The following CTTNBP2 variants were observed in gnomAD, a reference collection of about 807,000 sequenced individuals.
CTTNBP2 encodes the protein cortactin binding protein 2.
In CTTNBP2, 108 loss-of-function variants were observed where a neutral mutation model predicts 156.9. That is an observed-to-expected ratio of 0.69 (90% CI 0.59 to 0.81). The LOEUF is 0.81. Ranked by LOEUF, CTTNBP2 falls within the 30% of genes least tolerant of loss-of-function variation. CTTNBP2 has a pLI of 0.00. For synonymous variants in CTTNBP2, 767 were observed against 751.8 expected (o/e 1.02, Z -0.33); for missense variants, 1,924 against 2,035.4 (o/e 0.95, Z 1.05).
chr7:117,718,251 C>T (rs1367237073), intron 21 of CTTNBP2, 132 bp from the exon 22 acceptor site: 9 of 529,562 alleles, frequency 1.7e-5, no homozygotes, highest in Non-Finnish European at 3.0e-5. Context: ...AAGTCCTGAA[C>T]TGTTCACATG....
At position 117,728,205 on chromosome 7, in the gene CTTNBP2, G is replaced by A. The variant is rs771833037; in HGVS notation, c.3939C>T (p.Ser1313=). 2.5e-5 allele frequency: 40 copies of A among 1,614,042 alleles called. No individual in the cohort carries two copies. Among genetic ancestry groups the A allele is most frequent in the Non-Finnish European group, 3.2e-5 (38 of 1,179,992 alleles). The change falls in exon 17 of 23, where the codon TCC becomes TCT. Residue 1313 remains serine, a synonymous_variant. Transcript: ENST00000160373. ...GGCAGGAGTTAAGCTGACGCCAGAC[G>A]GACAGAGCCCAGTCGACAATCTTGC... is the stretch of plus-strand genomic sequence containing the variant. ...PVCKIVDWAL[S]VWRQLNSCLA...
rs779491761 is a variant in CTTNBP2 at position 117,777,518 on chromosome 7, C to T, written c.2771G>A (p.Gly924Asp). Reference protein sequence around the residue: ...WTAAHIAASKGFKNCLEILCR... With the variant: ...WTAAHIAASKDFKNCLEILCR... The stretch of plus-strand genomic sequence containing the variant: ...AGCTGCTACCAGACACACCTTAAAA[C>T]CTTTGGAAGCAGCAATGTGGGCAGC... The change falls in exon 8 of 23, where the codon GGT (glycine) becomes GAT (aspartate). Residue 924 changes from glycine (G) to aspartate (D), a missense_variant. Coordinates refer to ENST00000160373, the MANE Select transcript of CTTNBP2 (RefSeq NM_033427.3). 2 of 1,612,786 alleles carry T rather than the reference C, an allele frequency of 1.2e-6. No individual in the cohort carries two copies. The highest frequency in any genetic ancestry group is 4.5e-5 in the East Asian group (2 of 44,870).
intron 1 of CTTNBP2, among the ~76,000 whole-genome samples, chr7:117,862,317 TG>T (rs1247738451): frequency 6.8e-5 from 4 of 58,814 alleles, no homozygotes; most frequent in Non-Finnish European, 1.0e-4. Flanking sequence ...TGGGGTGGGG[TG>T]GGGGGGCGGT....
intron 14 of CTTNBP2, among the ~76,000 whole-genome samples, chr7:117,736,830 T>C (rs1795733195): frequency 6.6e-6 from 1 of 152,210 alleles, no homozygotes; most frequent in Non-Finnish European, 1.5e-5. Flanking sequence ...TTGAAGATTC[T>C]AAGATGCCAC....
chr7:117,850,646 TATATTATAA>T (rs1440515867), intron 2 of CTTNBP2, among the ~76,000 whole-genome samples: 2 of 152,096 alleles, frequency 1.3e-5, no homozygotes, highest in Non-Finnish European at 2.9e-5. Context: ...TTTTATTAGA[TATATTATAA>T]ATATTAATAT....
intron 2 of CTTNBP2, among the ~76,000 whole-genome samples, chr7:117,856,805 A>C (rs1803354543): frequency 6.6e-6 from 1 of 152,202 alleles, no homozygotes; most frequent in South Asian, 2.1e-4. Context: ...GGGCACTGTA[A>C]AATGTAGGCT....
chr7:117,835,874 A>G (rs1331407114), intron 2 of CTTNBP2, among the ~76,000 whole-genome samples: 1 of 151,990 alleles, frequency 6.6e-6, no homozygotes, highest in Non-Finnish European at 1.5e-5. Flanking sequence ...GTTGCTAACC[A>G]CTCTAAGCCT....
At position 117,765,457 on chromosome 7, in the gene CTTNBP2, A is replaced by G. The variant is rs1797436418; in HGVS notation, c.2896+1602T>C. On this transcript the variant is annotated intron_variant, in intron 9 of 22. Transcript: ENST00000160373. Reference sequence around the variant, plus strand: ...AGCAGACTGAGGTGAGAGAAGGCTAAGCACCTTGTCTAACATTACACAGAC... The same window carrying G: ...AGCAGACTGAGGTGAGAGAAGGCTAGGCACCTTGTCTAACATTACACAGAC... 1.3e-5 allele frequency among the ~76,000 whole-genome samples: 2 copies of G among 152,182 alleles called. 1 individual carries two copies. The highest frequency in any genetic ancestry group is 4.1e-4 in the South Asian group (2 of 4,834).
chr7:117,720,642 G>A (rs960332470), intron 20 of CTTNBP2, among the ~76,000 whole-genome samples: 19 of 152,028 alleles, frequency 1.2e-4, no homozygotes, highest in Non-Finnish European at 2.4e-4. Flanking sequence ...GCAGTGAACC[G>A]AGATCATGCC....
intron 2 of CTTNBP2, among the ~76,000 whole-genome samples, chr7:117,849,632 C>T (rs1044045115): frequency 6.6e-6 from 1 of 152,112 alleles, no homozygotes; most frequent in African/African-American, 2.4e-5. Flanking sequence ...CTCACTCTGC[C>T]CAGAGCACAC....
intron 14 of CTTNBP2, among the ~76,000 whole-genome samples, chr7:117,742,323 T>C (rs1354301379): frequency 6.6e-6 from 1 of 152,192 alleles, no homozygotes; most frequent in African/African-American, 2.4e-5. Flanking sequence ...AGCAAAGACA[T>C]GCAGAGTGGA....
At chr7:117,787,780 G>A (rs1356244462) in intron 4 of CTTNBP2, among the ~76,000 whole-genome samples, 6 of 152,118 alleles carry the variant, frequency 3.9e-5, no homozygotes, top group Non-Finnish European at 8.8e-5. Context: ...TTCATTAAAA[G>A]GCTAACTTCT....
intron 2 of CTTNBP2, among the ~76,000 whole-genome samples, chr7:117,813,228 G>A (rs1584474626): frequency 6.6e-6 from 1 of 152,138 alleles, no homozygotes; most frequent in Non-Finnish European, 1.5e-5. Context: ...GCACTGCTGG[G>A]ACCCCTTCAT....
chr7:117,718,165 G>T, intron 21 of CTTNBP2, 46 bp from the exon 22 acceptor site: 1 of 1,182,912 alleles, frequency 8.5e-7, no homozygotes, highest in Non-Finnish European at 1.3e-6. Context: ...CAGTCACACT[G>T]TGCATACTCA....
chr7:117,755,578 T>C (rs1562975839), intron 12 of CTTNBP2: 2 of 468,956 alleles, frequency 4.3e-6, no homozygotes, highest in Non-Finnish European at 8.8e-6. Flanking sequence ...TCCCCATCTG[T>C]AAAATGGATG....
At chr7:117,738,180 C>T (rs1191218706) in intron 14 of CTTNBP2, among the ~76,000 whole-genome samples, 1 of 152,156 alleles carries the variant, frequency 6.6e-6, no homozygotes, top group Admixed American at 6.5e-5. Flanking sequence ...TTTAATTGCA[C>T]TGTGCTGGGC....
chr7:117,849,059 G>A (rs1183686052), intron 2 of CTTNBP2, among the ~76,000 whole-genome samples: 2 of 152,136 alleles, frequency 1.3e-5, no homozygotes, highest in South Asian at 4.1e-4. Flanking sequence ...GCTGACTTTT[G>A]AAAAAGCTGT....
At chr7:117,721,674 T>C (rs1794798620) in intron 19 of CTTNBP2, among the ~76,000 whole-genome samples, 1 of 152,222 alleles carries the variant, frequency 6.6e-6, no homozygotes, top group Non-Finnish European at 1.5e-5. Context: ...CAAAAAGTCA[T>C]AGAATTTAAA....
At position 117,787,034 on chromosome 7, in the gene CTTNBP2, AAT is replaced by A. The variant is rs1176309123; in HGVS notation, c.2069-2582_2069-2581del. Among the ~76,000 whole-genome samples, 4 of 152,254 alleles carry A rather than the reference AAT, an allele frequency of 2.6e-5. No homozygotes were observed. In the South Asian group the frequency reaches 6.2e-4, roughly 24 times the overall value. ...AAATACCAAGTATTTTAAAACTGTA[AAT>A]ATGTTTTATATCTTCACTAACATTT... On this transcript the variant is annotated intron_variant, in intron 4 of 22. Transcript: ENST00000160373.
Sources: allele counts gnomAD v4.1 joint callset (sites outside exome capture counted in the v4.1 genomes callset), GRCh38; gene constraint gnomAD v4.1.1; transcripts MANE v1.5; gene names NCBI Gene and HGNC (gene_info 2026-07-23, HGNC 2026-07-21).